The following MCF2 variants were observed in gnomAD, a reference collection of about 807,000 sequenced individuals.
The protein encoded by MCF2 is MCF.2 cell line derived transforming sequence.
MCF2 carries 44 observed loss-of-function variants against 82.5 expected under a neutral mutation model. The observed-to-expected ratio is 0.53, with a 90% CI of 0.42 to 0.69. MCF2 has a LOEUF of 0.69. Among genes scored for constraint, MCF2 ranks in the 30% least tolerant of loss-of-function variants. The probability of loss-of-function intolerance (pLI) is 0.00; values close to 1 mark genes in which losing one functional copy is unlikely to be tolerated. For synonymous variants in MCF2, 217 were observed against 224.9 expected (o/e 0.96, Z 0.32); for missense variants, 623 against 663.1 (o/e 0.94, Z 0.66).
intron 16 of MCF2, 89 bp downstream of exon 20, chrX:139,602,317 G>A (rs763336616): frequency 3.1e-5 from 22 of 714,597 alleles, no homozygotes; most frequent in Non-Finnish European, 4.4e-5. Context: ...CACATGTAAC[G>A]TACTTAAAGT....
intron 1 of MCF2, among the ~76,000 whole-genome samples, chrX:139,660,955 C>T (rs953588008): frequency 9.0e-6 from 1 of 111,492 alleles, no homozygotes; most frequent in Middle Eastern, 4.2e-3. Flanking sequence ...GAAATATATA[C>T]AAACTACTGG....
At chrX:139,639,460 G>A (rs1441037691) in intron 1 of MCF2, among the ~76,000 whole-genome samples, 1 of 111,156 alleles carries the variant, frequency 9.0e-6, no homozygotes, top group Non-Finnish European at 1.9e-5. Context: ...TCCAATCACT[G>A]TACGTGGTCC....
At chrX:139,624,457 T>G (rs1280004046) in intron 6 of MCF2, among the ~76,000 whole-genome samples, 1 of 108,607 alleles carries the variant, frequency 9.2e-6, no homozygotes, top group African/African-American at 3.4e-5. Flanking sequence ...GGAGGATGGC[T>G]TAAGCCCAGG....
At chrX:139,654,992 A>G (rs1934149189) in intron 1 of MCF2, among the ~76,000 whole-genome samples, 1 of 111,366 alleles carries the variant, frequency 9.0e-6, no homozygotes, top group East Asian at 2.8e-4. Flanking sequence ...ATTCTGTTCC[A>G]TTGGTCTATG....
intron 2 of MCF2, among the ~76,000 whole-genome samples, chrX:139,651,474 T>G (rs1044451843): frequency 1.8e-5 from 2 of 111,563 alleles, no homozygotes; most frequent in African/African-American, 6.5e-5. Flanking sequence ...GTCAAATGTA[T>G]AAGAGTGGTA....
chrX:139,601,321 C>A (rs1317733521), intron 16 of MCF2, among the ~76,000 whole-genome samples: 1 of 111,446 alleles, frequency 9.0e-6, no homozygotes, highest in Non-Finnish European at 1.9e-5. Flanking sequence ...AACATTTGAA[C>A]ACTGAAAATA....
At chrX:139,675,479 C>T (rs954302849) in intron 1 of MCF2, among the ~76,000 whole-genome samples, 2 of 112,207 alleles carry the variant, frequency 1.8e-5, no homozygotes, top group African/African-American at 6.5e-5. Flanking sequence ...CTACAGATGG[C>T]GTTTTGCTGT....
At chrX:139,629,935 GTA>G in intron 3 of MCF2, 91 bp from the exon 7 acceptor site, 1 of 731,097 alleles carries the variant, frequency 1.4e-6, no homozygotes, top group Non-Finnish European at 2.0e-6. Context: ...TTTATTGGGG[GTA>G]TAACGGCAAA....
intron 19 of MCF2, among the ~76,000 whole-genome samples, chrX:139,595,345 A>G (rs1190530629): frequency 9.1e-6 from 1 of 110,162 alleles, no homozygotes; most frequent in Admixed American, 9.7e-5. Flanking sequence ...CAACAATGAT[A>G]GACTGGATTA....
At chrX:139,621,703 C>A (rs1346103621) in intron 6 of MCF2, among the ~76,000 whole-genome samples, 2 of 111,356 alleles carry the variant, frequency 1.8e-5, no homozygotes, top group Non-Finnish European at 3.8e-5. Context: ...TGGATCCCTT[C>A]CTTACATCTT....
chrX:139,620,329 C>G (rs1770551009), intron 6 of MCF2, among the ~76,000 whole-genome samples: 1 of 110,867 alleles, frequency 9.0e-6, no homozygotes, highest in Non-Finnish European at 1.9e-5. Flanking sequence ...GAGTATGTCA[C>G]AAGGACACAG....
chrX:139,586,494 T>C lies in MCF2; in HGVS notation c.2523-7A>G, dbSNP rs1442341958. The C allele has an allele frequency of 2.7e-6, 3 of 1,123,090 alleles. No homozygotes were observed. The highest frequency in any genetic ancestry group is 3.7e-6 in the Non-Finnish European group (3 of 817,368). The allele number at this position is 1,123,090 out of a possible 1,213,427, so 92.6% of individuals were successfully genotyped here. ...AAAAGCTCCCTGTTGCTTTCTGAAA[T>C]AGTGATGTATAAAACTAAGTGAGCT... On this transcript the variant is annotated splice_region_variant and splice_polypyrimidine_tract_variant and intron_variant, in intron 22 of 24. Coordinates refer to ENST00000370576, the Ensembl canonical transcript of MCF2.
chrX:139,614,214 T>C (rs774111983), intron 10 of MCF2, among the ~76,000 whole-genome samples: 1 of 111,628 alleles, frequency 9.0e-6, no homozygotes, highest in East Asian at 2.8e-4. Flanking sequence ...ATTATTTCCA[T>C]AGAACTTAGA....
chrX:139,619,462 T>C, intron 7 of MCF2, 125 bp downstream of exon 10: 1 of 462,064 alleles, frequency 2.2e-6, no homozygotes, highest in South Asian at 9.6e-5. Flanking sequence ...ATACCACCTA[T>C]ACCCCAGTAA....
At chrX:139,646,236 T>G (rs1300306751), upstream of MCF2, among the ~76,000 whole-genome samples, 1 of 110,979 alleles carries the variant, frequency 9.0e-6, no homozygotes, top group Non-Finnish European at 1.9e-5. Flanking sequence ...ATTTGTGTCC[T>G]CTTGTTCTTC....
At chrX:139,592,377 A>T (rs755746072) in intron 19 of MCF2, among the ~76,000 whole-genome samples, 1 of 111,735 alleles carries the variant, frequency 8.9e-6, no homozygotes, top group Non-Finnish European at 1.9e-5. Flanking sequence ...ATCACCTAAT[A>T]TCCCCCTTAC....
chrX:139,700,523 G>A (rs981419779), intron 1 of MCF2, among the ~76,000 whole-genome samples: 2 of 111,716 alleles, frequency 1.8e-5, no homozygotes, highest in African/African-American at 3.3e-5. Flanking sequence ...GAGTTTCACC[G>A]CCACTGCCCA....
chrX:139,620,248 G>C (rs1932252309), intron 6 of MCF2, among the ~76,000 whole-genome samples: 1 of 110,124 alleles, frequency 9.1e-6, no homozygotes, highest in African/African-American at 3.3e-5. Context: ...GGTTGAGGCA[G>C]AATAGGTACA....
intron 1 of MCF2, among the ~76,000 whole-genome samples, chrX:139,670,584 T>C (rs1423205908): frequency 9.0e-6 from 1 of 110,961 alleles, no homozygotes; most frequent in African/African-American, 3.3e-5. Flanking sequence ...GTCCTTGTGA[T>C]AGTTTACTCA....
Sources: allele counts gnomAD v4.1 joint callset (sites outside exome capture counted in the v4.1 genomes callset), GRCh38; gene constraint gnomAD v4.1.1; transcripts MANE v1.5; gene names NCBI Gene and HGNC (gene_info 2026-07-23, HGNC 2026-07-21).